Variants in BDNF observed in about 807,000 individuals in gnomAD.
BDNF encodes the protein neurotrophic factor BDNF precursor form.
In BDNF, 1 loss-of-function variant was observed where a neutral mutation model predicts 19.5. The ratio of observed to expected loss-of-function variants is 0.05; its 90% CI spans 0.02 to 0.24. The LOEUF (loss-of-function observed/expected upper bound fraction) is 0.24. Ranked by LOEUF, BDNF falls within the 10% of genes least tolerant of loss-of-function variation. BDNF has a pLI of 1.00. For synonymous variants in BDNF, 100 were observed against 121.6 expected, an observed-to-expected ratio of 0.82 and a Z score of 1.17; for missense variants, 195 against 317.6, an observed-to-expected ratio of 0.61 and a Z score of 2.93.
intron 1 of BDNF, among the ~76,000 whole-genome samples, chr11:27,711,450 T>C (rs796749294): frequency 2.6e-5 from 4 of 152,330 alleles, no homozygotes; most frequent in African/African-American, 9.6e-5. Flanking sequence ...GTAGCACTCC[T>C]GGAAATGAAT....
At chr11:27,671,437 A>T (rs1178378474) in intron 1 of BDNF, among the ~76,000 whole-genome samples, 2 of 152,278 alleles carry the variant, frequency 1.3e-5, no homozygotes, top group Non-Finnish European at 2.9e-5. Context: ...AGAGACAGAA[A>T]AACAAATGTC....
chr11:27,673,998 C>G (rs1855743378), intron 1 of BDNF: 1 of 1,468,526 alleles, frequency 6.8e-7, no homozygotes, highest in South Asian at 1.5e-5. Context: ...AAACTATTAT[C>G]AAGAAATCTT....
At chr11:27,687,965 G>A (rs1459466739) in intron 1 of BDNF, among the ~76,000 whole-genome samples, 7 of 152,196 alleles carry the variant, frequency 4.6e-5, no homozygotes, top group Non-Finnish European at 1.0e-4. Context: ...TCTCTTCACA[G>A]CCAACAGGCA....
Position 27,658,640 on chromosome 11 carries a change from G to T in BDNF, c.-21-55C>A, listed in dbSNP as rs890526093. On this transcript the variant is annotated intron_variant, in intron 1 of 1. Transcript: ENST00000356660. The surrounding 1 kb of genome is among the most constrained non-coding windows in gnomAD (Gnocchi z 5.7). Reference sequence around the variant, plus strand: ...AAACTGGTTAGGGCTTTCTTTCACCGGGATGCCATGTGGCCCATCTGATTG... The same window carrying T: ...AAACTGGTTAGGGCTTTCTTTCACCTGGATGCCATGTGGCCCATCTGATTG... 14 of 1,613,570 alleles carry T rather than the reference G, an allele frequency of 8.7e-6. No individual in the cohort carries two copies. The Admixed American group carries it at 2.2e-4, about 25-fold the overall frequency.
intron 1 of BDNF, among the ~76,000 whole-genome samples, chr11:27,694,456 A>G (rs944105713): frequency 2.0e-5 from 3 of 152,164 alleles, no homozygotes; most frequent in Non-Finnish European, 4.4e-5. Context: ...ATTCAGCAAC[A>G]TTTATCAAAG....
At chr11:27,701,835 A>C (rs1308230314), upstream of BDNF, among the ~76,000 whole-genome samples, 3 of 152,210 alleles carry the variant, frequency 2.0e-5, no homozygotes, top group Admixed American at 2.0e-4. Context: ...CCCAGCAAAC[A>C]CACGTATAAG....
chr11:27,697,700 C>A (rs917761288), intron 1 of BDNF: 1 of 152,154 alleles, frequency 6.6e-6, no homozygotes, highest in Non-Finnish European at 1.5e-5. Flanking sequence ...CTAAATGCTT[C>A]ATTTTCTGGA....
In BDNF at chr11:27,699,453, A is replaced by G. The variant is rs567592034; in HGVS notation, c.-22+711T>C. On this transcript the variant is annotated intron_variant, in intron 1 of 1. Transcript: ENST00000356660. ...AGAATCCCCCACGTACATCCCAACC[A>G]CTCCCCGAAAGTCAAAACTCTTAAC... The G allele has an allele frequency of 1.9e-6, 3 of 1,612,950 alleles. No individual in the cohort carries two copies. In the African/African-American group the frequency reaches 4.0e-5, roughly 22 times the overall value.
At chr11:27,711,074 G>A (rs1860306624) in intron 1 of BDNF, among the ~76,000 whole-genome samples, 1 of 152,104 alleles carries the variant, frequency 6.6e-6, no homozygotes, top group Non-Finnish European at 1.5e-5. Flanking sequence ...GCAGATTAGT[G>A]ATTAAAAAAA....
chr11:27,714,185 T>C (rs1337778033), intron 1 of BDNF, among the ~76,000 whole-genome samples: 1 of 152,000 alleles, frequency 6.6e-6, no homozygotes, highest in Admixed American at 6.6e-5. Context: ...TACACCCACA[T>C]TTTTTTTCTT....
In BDNF at chr11:27,656,666, T is replaced by A; in HGVS notation, c.*1155A>T. The A allele has an allele frequency of 1.0e-6, 1 of 985,780 alleles. No homozygotes were observed. 61.1% of individuals were successfully genotyped at this position (985,780 alleles called of 1,614,324 possible). ...TGTTCTGATCTAGGTGTTTCTGGGT[T>A]GATACAGGGCTCTACCTTTTGCTTA... On this transcript the variant is annotated 3_prime_UTR_variant, in exon 2 of 2. Coordinates refer to ENST00000356660, the MANE Select transcript of BDNF (RefSeq NM_001709.5).
intron 1 of BDNF, among the ~76,000 whole-genome samples, chr11:27,662,430 T>C (rs901960440): frequency 6.6e-6 from 1 of 152,192 alleles, no homozygotes; most frequent in African/African-American, 2.4e-5. Flanking sequence ...GCCTTTTCAT[T>C]TGGAAAGATC....
intron 1 of BDNF, among the ~76,000 whole-genome samples, chr11:27,660,971 GATCTT>G (rs1198710075): frequency 1.3e-5 from 2 of 152,022 alleles, no homozygotes; most frequent in Non-Finnish European, 2.9e-5. Flanking sequence ...GCCTTTCACT[GATCTT>G]ATCTTTTTAT....
At chr11:27,702,688 A>T (rs1300807810), upstream of BDNF, among the ~76,000 whole-genome samples, 1 of 152,224 alleles carries the variant, frequency 6.6e-6, no homozygotes, top group African/African-American at 2.4e-5. Flanking sequence ...AATTTACCTA[A>T]GGGTTTACAG....
In BDNF at chr11:27,700,243, C is replaced by T; in HGVS notation, c.-101G>A. ...CCGATTCTGGCTCCAGCGCCCAGCC[C>T]CGGTCCCCGTCGCGGTGCTGCTCCC... On this transcript the variant is annotated 5_prime_UTR_variant, in exon 1 of 2. Transcript: ENST00000356660. 1.0e-6 allele frequency: 1 copy of T among 985,638 alleles called. No homozygotes were observed. The highest frequency in any genetic ancestry group is 4.7e-5 in the South Asian group (1 of 21,296). 61.1% of individuals were successfully genotyped at this position (985,638 alleles called of 1,614,324 possible). A position where few individuals can be genotyped will look rare whatever the true frequency, so the allele number is the denominator to read the frequency against.
chr11:27,662,519 CT>C (rs1853624657), intron 1 of BDNF, among the ~76,000 whole-genome samples: 1 of 152,192 alleles, frequency 6.6e-6, no homozygotes, highest in South Asian at 2.1e-4. Context: ...TGGTCCCAAC[CT>C]TTTTGGCAGC....
chr11:27,705,468 A>G (rs557702466), intron 1 of BDNF, among the ~76,000 whole-genome samples: 18 of 152,346 alleles, frequency 1.2e-4, no homozygotes, highest in African/African-American at 3.8e-4. Flanking sequence ...AAAATGAAAA[A>G]GAAGAATATG....
At chr11:27,673,872 A>C (rs755988860) in intron 1 of BDNF, among the ~76,000 whole-genome samples, 19 of 152,196 alleles carry the variant, frequency 1.2e-4, no homozygotes, top group Non-Finnish European at 2.1e-4. Flanking sequence ...ATTAGATCCT[A>C]TCCTCTGAAA....
At chr11:27,659,148 CT>C (rs1018882604) in intron 1 of BDNF, 91 of 1,000,120 alleles carry the variant, frequency 9.1e-5, no homozygotes, top group Non-Finnish European at 1.0e-4. Flanking sequence ...TTTAAATTGA[CT>C]TTTTTTTTCC....
Sources: allele counts gnomAD v4.1 joint callset (sites outside exome capture counted in the v4.1 genomes callset), GRCh38; gene constraint gnomAD v4.1.1; non-coding constraint Gnocchi (gnomAD v3.1); transcripts MANE v1.5; gene names NCBI Gene and HGNC (gene_info 2026-07-23, HGNC 2026-07-21).